CEMIP: variants seen among roughly 807,000 people sequenced by gnomAD.
CEMIP encodes the protein cell migration inducing hyaluronidase 1, also known as cell migration-inducing and hyaluronan-binding protein.
Under a neutral mutation model 156.9 loss-of-function variants are expected in CEMIP, and 105 were observed. The observed-to-expected ratio is 0.67, with a 90% CI of 0.57 to 0.79. CEMIP has a LOEUF of 0.79. Among genes scored for constraint, CEMIP ranks in the 30% least tolerant of loss-of-function variants. The pLI is 0.00. For missense variants in CEMIP, 1,457 were observed against 1,769.4 expected, an observed-to-expected ratio of 0.82 and a Z score of 3.17; for synonymous variants, 676 against 668.4, an observed-to-expected ratio of 1.01 and a Z score of -0.17.
chr15:80,906,695 A>C lies in CEMIP; in HGVS notation c.1444A>C (p.Ile482Leu), dbSNP rs764287391. ...AATGTACCTGCACATCGGGGAGGAGATAGACGGCGTGGACATGCGGGCGGA... is the reference window on the plus strand; with the variant it reads ...AATGTACCTGCACATCGGGGAGGAGCTAGACGGCGTGGACATGCGGGCGGA... The part of the protein sequence containing the change: ...KPMYLHIGEE[I>L]DGVDMRAEVG... Residue 482 changes from isoleucine (I) to leucine (L), a missense_variant, in exon 13 of 30, where the codon ATA becomes CTA. Ile to Leu is a conservative substitution (Grantham distance 5). Coordinates refer to ENST00000394685, the MANE Select transcript of CEMIP (RefSeq NM_001293298.2). This position sits in a 1 kb window ranked among gnomAD's most constrained non-coding sequence, Gnocchi z 4.3. 7.4e-6 allele frequency: 12 copies of C among 1,614,006 alleles called. No homozygotes were observed. Among genetic ancestry groups the C allele is most frequent in the Non-Finnish European group, 1.0e-5 (12 of 1,179,994 alleles).
At chr15:80,780,495 G>C (rs1895762180) in intron 1 of CEMIP, among the ~76,000 whole-genome samples, 1 of 152,176 alleles carries the variant, frequency 6.6e-6, no homozygotes, top group African/African-American at 2.4e-5. Context: ...CACTCTCTGC[G>C]ACAGCCGCTG....
intron 1 of CEMIP, among the ~76,000 whole-genome samples, chr15:80,798,317 C>T (rs754578804): frequency 3.3e-5 from 5 of 152,020 alleles, no homozygotes; most frequent in African/African-American, 7.2e-5. Flanking sequence ...TTTTCAAAGT[C>T]GTCTTTTTAA....
intron 10 of CEMIP, among the ~76,000 whole-genome samples, chr15:80,890,413 G>A (rs574055218): frequency 2.8e-5 from 4 of 143,030 alleles, no homozygotes; most frequent in African/African-American, 5.2e-5. Flanking sequence ...ACCCCCTCTC[G>A]ACTAAAAATA....
chr15:80,870,412 G>A (rs529653226), intron 1 of CEMIP, among the ~76,000 whole-genome samples: 1 of 152,122 alleles, frequency 6.6e-6, no homozygotes, highest in Non-Finnish European at 1.5e-5. Flanking sequence ...TAGCCTCTCT[G>A]GGCAGCAGGA....
chr15:80,831,954 A>G (rs1897166446), intron 1 of CEMIP, among the ~76,000 whole-genome samples: 1 of 152,248 alleles, frequency 6.6e-6, no homozygotes, highest in Non-Finnish European at 1.5e-5. Context: ...AAAAGGAGTG[A>G]CAGTGAGGAA....
intron 1 of CEMIP, among the ~76,000 whole-genome samples, chr15:80,842,671 G>A (rs1897453769): frequency 6.6e-6 from 1 of 152,170 alleles, no homozygotes; most frequent in African/African-American, 2.4e-5. Context: ...GGCAGAGGTT[G>A]CAGTGAGCCG....
At chr15:80,838,447 C>T (rs969055700) in intron 1 of CEMIP, among the ~76,000 whole-genome samples, 17 of 152,146 alleles carry the variant, frequency 1.1e-4, no homozygotes, top group African/African-American at 3.9e-4. Flanking sequence ...GAAATGGCCT[C>T]TCTGGCTCAG....
chr15:80,801,423 T>C (rs1253203461), intron 1 of CEMIP, among the ~76,000 whole-genome samples: 1 of 152,228 alleles, frequency 6.6e-6, no homozygotes, highest in Non-Finnish European at 1.5e-5. Context: ...CCCAGTAGAC[T>C]AGCCTGGGTT....
chr15:80,853,937 T>C (rs1235478821), intron 1 of CEMIP, among the ~76,000 whole-genome samples: 2 of 152,280 alleles, frequency 1.3e-5, no homozygotes, highest in Non-Finnish European at 2.9e-5. Context: ...ATGGTCTTGA[T>C]GGTTTTTAAG....
At chr15:80,911,527 C>CCACACACA (rs10596688) in intron 14 of CEMIP, among the ~76,000 whole-genome samples, 1 of 148,970 alleles carries the variant, frequency 6.7e-6, no homozygotes, top group Non-Finnish European at 1.5e-5. Flanking sequence ...GGAAAATACA[C>CCACACACA]CACACACACA....
intron 13 of CEMIP, among the ~76,000 whole-genome samples, chr15:80,908,542 C>T (rs112109913): frequency 2.3e-4 from 35 of 152,244 alleles, no homozygotes; most frequent in African/African-American, 7.5e-4. Context: ...CTATGCATAT[C>T]GTGAAGTGAG....
intron 1 of CEMIP, among the ~76,000 whole-genome samples, chr15:80,819,322 G>A (rs1896859079): frequency 6.6e-6 from 1 of 152,182 alleles, no homozygotes; most frequent in Non-Finnish European, 1.5e-5. Flanking sequence ...AGTCTCATGA[G>A]ACAGGAAGTT....
chr15:80,942,828 C>T (rs1901392652), intron 27 of CEMIP, 117 bp from the exon 28 acceptor site: 1 of 1,205,290 alleles, frequency 8.3e-7, no homozygotes, highest in Non-Finnish European at 1.2e-6. Flanking sequence ...GGAGTTTACG[C>T]TTCAAATAGA....
At chr15:80,802,775 TCTG>T (rs1896411324) in intron 1 of CEMIP, among the ~76,000 whole-genome samples, 2 of 152,216 alleles carry the variant, frequency 1.3e-5, no homozygotes, top group Non-Finnish European at 2.9e-5. Context: ...GGTTCAAGAT[TCTG>T]CTACTAGCTT....
In CEMIP at chr15:80,937,968, C is replaced by T. The variant is rs142296084; in HGVS notation, c.3396C>T (p.Asp1132=). The T allele has an allele frequency of 1.2e-4, 201 of 1,613,862 alleles. No individual in the cohort carries two copies. Among genetic ancestry groups the T allele is most frequent in the South Asian group, 1.2e-3 (106 of 91,042 alleles). The change falls in exon 25 of 30, where the codon GAC becomes GAT. Residue 1132 remains aspartate (D), a synonymous_variant. Coordinates refer to ENST00000394685, the MANE Select transcript of CEMIP (RefSeq NM_001293298.2). The stretch of plus-strand genomic sequence containing the variant: ...CTGGCAGGAGCCACTACTACTGGGA[C>T]GAGGACTCAGGGTGAGCAGGCGCCC... The part of the protein sequence containing the change: ...SYPGRSHYYW[D]EDSGLLFLKL...
chr15:80,912,361 G>T (rs964731949), intron 14 of CEMIP, among the ~76,000 whole-genome samples: 1 of 152,158 alleles, frequency 6.6e-6, no homozygotes, highest in Non-Finnish European at 1.5e-5. Context: ...GTATGCCAAG[G>T]TCTCCCTCCG....
intron 19 of CEMIP, among the ~76,000 whole-genome samples, 189 bp downstream of exon 19, chr15:80,925,944 A>G (rs1250143494): frequency 6.6e-6 from 1 of 152,038 alleles, no homozygotes; most frequent in Non-Finnish European, 1.5e-5. Flanking sequence ...AAAACCTAAA[A>G]GCAGCATATT....
At chr15:80,884,153 C>G (rs1440858506) in intron 6 of CEMIP, 22 bp from the exon 7 acceptor site, 1 of 1,613,652 alleles carries the variant, frequency 6.2e-7, no homozygotes, top group Non-Finnish European at 8.5e-7. Flanking sequence ...CTATTCAGAT[C>G]TCTTCTCTCT....
chr15:80,852,377 A>T (rs1897734731), intron 1 of CEMIP, among the ~76,000 whole-genome samples: 1 of 151,996 alleles, frequency 6.6e-6, no homozygotes, highest in Non-Finnish European at 1.5e-5. Flanking sequence ...TTCCATGGCT[A>T]CTTCCAATGT....
Sources: allele counts gnomAD v4.1 joint callset (sites outside exome capture counted in the v4.1 genomes callset), GRCh38; gene constraint gnomAD v4.1.1; non-coding constraint Gnocchi (gnomAD v3.1); transcripts MANE v1.5; gene names NCBI Gene and HGNC (gene_info 2026-07-23, HGNC 2026-07-21).